The following ZFP91 variants were observed in gnomAD, a reference collection of about 807,000 sequenced individuals.
ZFP91 encodes the protein ZFP91 zinc finger protein, atypical E3 ubiquitin ligase.
A neutral mutation model predicts 63.5 loss-of-function variants in ZFP91; 7 were observed. That is an observed-to-expected ratio of 0.11 (90% CI 0.06 to 0.21). ZFP91 has a LOEUF of 0.21. Ranked by LOEUF, ZFP91 falls within the 10% of genes least tolerant of loss-of-function variation. The pLI is 1.00. For missense variants in ZFP91, 628 were observed against 736.6 expected (o/e 0.85, Z 1.71); for synonymous variants, 330 against 272.1 (o/e 1.21, Z -2.10).
chr11:58,604,070 G>A (rs1855532976), intron 2 of ZFP91, among the ~76,000 whole-genome samples: 1 of 152,184 alleles, frequency 6.6e-6, no homozygotes, highest in Non-Finnish European at 1.5e-5. Flanking sequence ...TTGCACATTG[G>A]AAGGACATAA....
At chr11:58,616,425 A>G (rs1565026452) in intron 9 of ZFP91, among the ~76,000 whole-genome samples, 1 of 152,164 alleles carries the variant, frequency 6.6e-6, no homozygotes, top group Non-Finnish European at 1.5e-5. Context: ...TTGGTATCCA[A>G]GACCTGGATT....
chr11:58,614,507 G>A (rs1207054919), intron 9 of ZFP91, among the ~76,000 whole-genome samples, 164 bp downstream of exon 9: 1 of 152,136 alleles, frequency 6.6e-6, no homozygotes, highest in Admixed American at 6.5e-5. Flanking sequence ...TACAAGGGAT[G>A]GGCAGACTAG....
intron 1 of ZFP91, among the ~76,000 whole-genome samples, chr11:58,581,037 C>A (rs954250020): frequency 2.0e-5 from 3 of 152,102 alleles, no homozygotes; most frequent in Admixed American, 1.3e-4. Flanking sequence ...GTTTCCTTAC[C>A]TATAGAGGAT....
chr11:58,582,376 A>G (rs868050495), intron 1 of ZFP91, among the ~76,000 whole-genome samples: 2 of 152,206 alleles, frequency 1.3e-5, no homozygotes, highest in Non-Finnish European at 2.9e-5. Context: ...TCCAAATGAC[A>G]TTTTGAAAAT....
chr11:58,596,546 C>A (rs2134402627), intron 2 of ZFP91, among the ~76,000 whole-genome samples: 2 of 152,282 alleles, frequency 1.3e-5, no homozygotes, highest in Middle Eastern at 3.4e-3. Flanking sequence ...GGCATTGCTG[C>A]TTATATGTTG....
chr11:58,614,189 A>T (rs1855712879), intron 8 of ZFP91, 40 bp from the exon 9 acceptor site: 1 of 1,361,690 alleles, frequency 7.3e-7, no homozygotes, highest in Non-Finnish European at 1.0e-6. Context: ...AGGAAGCCTT[A>T]ATTTTTTTTT....
intron 2 of ZFP91, among the ~76,000 whole-genome samples, chr11:58,585,358 C>T (rs1040167494): frequency 2.6e-5 from 4 of 152,252 alleles, no homozygotes; most frequent in African/African-American, 9.6e-5. Flanking sequence ...TTTCTGTTTT[C>T]CTGGATTATG....
At chr11:58,616,844 G>T (rs898151977) in intron 10 of ZFP91, 29 bp downstream of exon 10, 5 of 1,600,358 alleles carry the variant, frequency 3.1e-6, no homozygotes, top group Non-Finnish European at 4.3e-6. Flanking sequence ...TGAACATCTG[G>T]GTGAGAAGGA....
chr11:58,614,443 C>G lies in ZFP91; in HGVS notation c.1102+100C>G, dbSNP rs907660338. 6 of 866,192 alleles carry G rather than the reference C, an allele frequency of 6.9e-6. No homozygotes were observed. In the African/African-American group the frequency reaches 1.0e-4, roughly 15 times the overall value. The allele number at this position is 866,192 out of a possible 1,614,324, so 53.7% of individuals were successfully genotyped here. A position where few individuals can be genotyped will look rare whatever the true frequency, so the allele number is the denominator to read the frequency against. ...TTTCTAACATAAGTCTTAAAAGATTCTATAGTCAAGTGCGGGGAAAAGGTG... is the reference window on the plus strand; with the variant it reads ...TTTCTAACATAAGTCTTAAAAGATTGTATAGTCAAGTGCGGGGAAAAGGTG... On this transcript the variant is annotated intron_variant, in intron 9 of 10. Transcript: ENST00000316059.
At chr11:58,583,966 T>C (rs1299605819) in intron 1 of ZFP91, among the ~76,000 whole-genome samples, 1 of 152,062 alleles carries the variant, frequency 6.6e-6, no homozygotes, top group Non-Finnish European at 1.5e-5. Context: ...CTGTGGTATC[T>C]ATATGATAAA....
chr11:58,582,575 A>G lies in ZFP91; in HGVS notation c.342-2281A>G, dbSNP rs373947420. ...GAAATAGATAGATTTGGATTGGTTGAAACCTCTGTTCCCATTGGAAGGCAA... is the reference window on the plus strand; with the variant it reads ...GAAATAGATAGATTTGGATTGGTTGGAACCTCTGTTCCCATTGGAAGGCAA... On this transcript the variant is annotated intron_variant, in intron 1 of 10. Coordinates refer to ENST00000316059, the MANE Select transcript of ZFP91 (RefSeq NM_053023.5). Among the ~76,000 whole-genome samples the G allele has an allele frequency of 1.2e-4, 19 of 152,328 alleles. No homozygotes were observed. The South Asian group carries it at 3.7e-3, about 30-fold the overall frequency.
intron 9 of ZFP91, among the ~76,000 whole-genome samples, chr11:58,616,247 A>G (rs1226852902): frequency 6.6e-6 from 1 of 152,108 alleles, no homozygotes; most frequent in Non-Finnish European, 1.5e-5. Flanking sequence ...TTACCTTTAG[A>G]TCAGTTTTCT....
intron 6 of ZFP91, 113 bp from the exon 7 acceptor site, chr11:58,612,165 T>C: frequency 9.3e-7 from 1 of 1,072,532 alleles, no homozygotes; most frequent in Admixed American, 2.5e-5. Flanking sequence ...TATTCTTGGT[T>C]ATCCTTTGCC....
chr11:58,587,007 C>G (rs566419992), intron 2 of ZFP91, among the ~76,000 whole-genome samples: 171 of 152,092 alleles, frequency 1.1e-3, no homozygotes, highest in African/African-American at 3.7e-3. Flanking sequence ...AGAGAAGAAC[C>G]TTTGACATAC....
At chr11:58,598,974 T>G (rs1437536051) in intron 2 of ZFP91, among the ~76,000 whole-genome samples, 4 of 152,070 alleles carry the variant, frequency 2.6e-5, no homozygotes, top group Non-Finnish European at 4.4e-5. Context: ...TCCCTCCTGT[T>G]CAGCTGCAAC....
At position 58,609,884 on chromosome 11, in the gene ZFP91, C is replaced by T; in HGVS notation, c.425C>T (p.Ser142Phe). 6.2e-7 allele frequency: 1 copy of T among 1,614,198 alleles called. No individual in the cohort carries two copies. Among genetic ancestry groups the T allele is most frequent in the South Asian group, 1.1e-5 (1 of 91,086 alleles). The change falls in exon 3 of 11, where the codon TCC (serine) becomes TTC (phenylalanine). Residue 142 changes from serine (S) to phenylalanine (F), a missense_variant. Transcript: ENST00000316059. ...EDDSALPQEV[S>F]IAASRPSRGW... The stretch of plus-strand genomic sequence containing the variant: ...GATTCTGCCCTCCCTCAGGAAGTTT[C>T]CATTGCTGCATCTAGACCTAGCCGG...
Position 58,579,529 on chromosome 11 carries a change from GC to G in ZFP91, c.252del (p.Ser85AlafsTer32). 6.4e-7 allele frequency: 1 copy of G among 1,573,810 alleles called. No individual in the cohort carries two copies. Among genetic ancestry groups the G allele is most frequent in the Non-Finnish European group, 8.6e-7 (1 of 1,164,880 alleles). On this transcript the variant is annotated frameshift_variant, in exon 1 of 11. Coordinates refer to ENST00000316059, the MANE Select transcript of ZFP91 (RefSeq NM_053023.5). LOFTEE classifies it high-confidence loss of function. ...GAGTATCCCCGCCGGCGGAGGAGCA[GC>G]CCCAGCGCCAGGCCTCCCGACGTCC... The part of the protein sequence containing the change: ...KAEYPRRRRS[S>X]PSARPPDVPG...
At chr11:58,582,877 G>A (rs1267935695) in intron 1 of ZFP91, among the ~76,000 whole-genome samples, 1 of 152,094 alleles carries the variant, frequency 6.6e-6, no homozygotes, top group Non-Finnish European at 1.5e-5. Context: ...TTTTCATTGT[G>A]CTCAAGAGAA....
chr11:58,579,882 G>T (rs1271539871), intron 1 of ZFP91, among the ~76,000 whole-genome samples: 1 of 152,230 alleles, frequency 6.6e-6, no homozygotes, highest in East Asian at 1.9e-4. Context: ...GCACTCGCTA[G>T]TGATCCACCT....
Sources: allele counts gnomAD v4.1 joint callset (sites outside exome capture counted in the v4.1 genomes callset), GRCh38; gene constraint gnomAD v4.1.1; transcripts MANE v1.5; gene names NCBI Gene and HGNC (gene_info 2026-07-23, HGNC 2026-07-21).